Variants in JARID2 observed in about 807,000 individuals in gnomAD.
The protein encoded by JARID2 is protein Jumonji.
A neutral mutation model predicts 125.6 loss-of-function variants in JARID2; 21 were observed. The observed-to-expected ratio is 0.17, with a 90% CI of 0.12 to 0.24. JARID2 has a LOEUF of 0.24. Among genes scored for constraint, JARID2 ranks in the 10% least tolerant of loss-of-function variants. The pLI, the probability that JARID2 is intolerant of heterozygous loss-of-function variation, is 1.00. For synonymous variants in JARID2, 736 were observed against 661.6 expected, an observed-to-expected ratio of 1.11 and a Z score of -1.73; for missense variants, 1,303 against 1,639.6, an observed-to-expected ratio of 0.79 and a Z score of 3.55.
intron 8 of JARID2, among the ~76,000 whole-genome samples, chr6:15,503,341 G>A (rs1770832138): frequency 1.3e-5 from 2 of 152,228 alleles, no homozygotes; most frequent in African/African-American, 2.4e-5. Context: ...TTGCATGGAA[G>A]TACGTTCCTG....
At chr6:15,439,418 G>A (rs1314712624) in intron 3 of JARID2, among the ~76,000 whole-genome samples, 4 of 152,034 alleles carry the variant, frequency 2.6e-5, no homozygotes, top group Non-Finnish European at 5.9e-5. Flanking sequence ...CCTCTGTTTT[G>A]TAATGCCATC....
At chr6:15,258,294 A>G (rs1036047173) in intron 1 of JARID2, among the ~76,000 whole-genome samples, 2 of 152,184 alleles carry the variant, frequency 1.3e-5, no homozygotes, top group Non-Finnish European at 2.9e-5. Flanking sequence ...ATGTGAAACA[A>G]TGGGAGGAGA....
chr6:15,427,799 G>A (rs1021631080), intron 3 of JARID2, among the ~76,000 whole-genome samples: 3 of 152,046 alleles, frequency 2.0e-5, no homozygotes, highest in African/African-American at 2.4e-5. Context: ...AGGGCTTGGA[G>A]TCACCTGGTT....
At chr6:15,426,592 C>T (rs1766737962) in intron 3 of JARID2, among the ~76,000 whole-genome samples, 1 of 152,180 alleles carries the variant, frequency 6.6e-6, no homozygotes, top group African/African-American at 2.4e-5. Context: ...CTCAGAGGCA[C>T]TGAATCAATA....
At chr6:15,306,277 C>G (rs569686279) in intron 1 of JARID2, among the ~76,000 whole-genome samples, 109 of 152,098 alleles carry the variant, frequency 7.2e-4, no homozygotes, top group Non-Finnish European at 1.4e-3. Flanking sequence ...ATTCCTTCCC[C>G]CTGCAGTGAG....
intron 3 of JARID2, among the ~76,000 whole-genome samples, chr6:15,449,543 C>A (rs1371494320): frequency 2.6e-5 from 4 of 151,576 alleles, no homozygotes; most frequent in Non-Finnish European, 5.9e-5. Context: ...TGGCACATAC[C>A]AGTAGTCCCA....
At chr6:15,386,265 T>C (rs1322317621) in intron 2 of JARID2, among the ~76,000 whole-genome samples, 1 of 140,632 alleles carries the variant, frequency 7.1e-6, no homozygotes, top group Non-Finnish European at 1.5e-5. Context: ...CCTGTTCTTC[T>C]CCCCCTTCCT....
At chr6:15,281,838 A>G (rs1047961433) in intron 1 of JARID2, among the ~76,000 whole-genome samples, 2 of 152,174 alleles carry the variant, frequency 1.3e-5, no homozygotes, top group Non-Finnish European at 2.9e-5. Context: ...TGTTTGCTTT[A>G]AAACATTTCT....
At chr6:15,348,134 C>T (rs532719903) in intron 1 of JARID2, among the ~76,000 whole-genome samples, 1 of 151,770 alleles carries the variant, frequency 6.6e-6, no homozygotes, top group South Asian at 2.1e-4. Flanking sequence ...CTCTGTCACC[C>T]AAGCTGTAGT....
At chr6:15,468,478 G>C (rs959608043) in intron 4 of JARID2, 64 bp from the exon 5 acceptor site, 89 of 1,418,714 alleles carry the variant, frequency 6.3e-5, no homozygotes, top group Non-Finnish European at 7.9e-5. Flanking sequence ...TCATTGTGGT[G>C]TTCCTTCTGG....
chr6:15,414,010 G>A (rs1052682479), intron 3 of JARID2, among the ~76,000 whole-genome samples: 1 of 152,142 alleles, frequency 6.6e-6, no homozygotes, highest in African/African-American at 2.4e-5. Context: ...AGAATGATAC[G>A]AATTGCTAGT....
At chr6:15,520,013 A>C in intron 17 of JARID2, 56 bp from the exon 18 acceptor site, 1 of 1,466,770 alleles carries the variant, frequency 6.8e-7, no homozygotes, top group Non-Finnish European at 9.3e-7. Context: ...GCTCTCAGGG[A>C]CAGAGCTCTT....
intron 1 of JARID2, among the ~76,000 whole-genome samples, chr6:15,260,731 A>C (rs1264071504): frequency 6.6e-6 from 1 of 152,214 alleles, no homozygotes; most frequent in African/African-American, 2.4e-5. Flanking sequence ...GATGCTATTA[A>C]AATGGGTTTT....
intron 17 of JARID2, among the ~76,000 whole-genome samples, 162 bp downstream of exon 17, chr6:15,517,430 C>A (rs1771617265): frequency 6.6e-6 from 1 of 152,178 alleles, no homozygotes; most frequent in Admixed American, 6.5e-5. Context: ...CATTCAGGCC[C>A]CATGTTAGGA....
intron 1 of JARID2, among the ~76,000 whole-genome samples, chr6:15,264,612 A>AGTGTGTGTGTGTGT (rs148424538): frequency 1.8e-3 from 261 of 146,212 alleles, no homozygotes; most frequent in Admixed American, 3.0e-3. Flanking sequence ...GGTAGGTGTG[A>AGTGTGTGTGTGTGT]GTGTGTGTGT....
chr6:15,275,049 A>C (rs1760443003), intron 1 of JARID2, among the ~76,000 whole-genome samples: 1 of 151,324 alleles, frequency 6.6e-6, no homozygotes, highest in African/African-American at 2.4e-5. Flanking sequence ...AGGATTAAAA[A>C]CCTCTGTTTT....
intron 1 of JARID2, among the ~76,000 whole-genome samples, chr6:15,365,780 T>A (rs1763953515): frequency 6.6e-6 from 1 of 152,184 alleles, no homozygotes; most frequent in Admixed American, 6.5e-5. Flanking sequence ...GAAGTGCTTT[T>A]AATTTAAACC....
intron 1 of JARID2, among the ~76,000 whole-genome samples, chr6:15,273,711 A>G (rs1238814326): frequency 6.6e-6 from 1 of 152,202 alleles, no homozygotes; most frequent in Non-Finnish European, 1.5e-5. Flanking sequence ...CAAAAAACAA[A>G]CAAACAAGCA....
At chr6:15,250,735 C>T (rs1759412940) in intron 1 of JARID2, among the ~76,000 whole-genome samples, 1 of 152,172 alleles carries the variant, frequency 6.6e-6, no homozygotes, top group Non-Finnish European at 1.5e-5. Context: ...CTCGGTAATG[C>T]CTGTTTCCTC....
Sources: gnomAD v4.1 joint callset for allele counts (sites outside exome capture counted in the v4.1 genomes callset) on GRCh38, gnomAD v4.1.1 for gene constraint, MANE v1.5 for transcripts, NCBI Gene and HGNC (gene_info 2026-07-23, HGNC 2026-07-21) for gene names.